Variants in RP1 observed in about 807,000 individuals in gnomAD.
The protein encoded by RP1 is RP1 axonemal microtubule associated, also known as oxygen-regulated protein 1.
A neutral mutation model predicts 14.8 loss-of-function variants in RP1; 16 were observed. That is an observed-to-expected ratio of 1.08 (90% confidence interval 0.73 to 1.65). RP1 has a LOEUF of 1.65. RP1 is among the 40% of genes most tolerant of loss of function. The pLI is 0.00. For synonymous variants in RP1, 876 were observed against 883.6 expected, an observed-to-expected ratio of 0.99 and a Z score of 0.15; for missense variants, 2,631 against 2,535.0, an observed-to-expected ratio of 1.04 and a Z score of -0.81.
upstream of RP1, among the ~76,000 whole-genome samples, chr8:54,614,321 T>G (rs1805663127): frequency 6.6e-6 from 1 of 152,174 alleles, no homozygotes; most frequent in Non-Finnish European, 1.5e-5. Flanking sequence ...CCATGGCAAT[T>G]GAAGTCATTC....
chr8:54,725,296 T>A (rs1424874008), intron 16 of RP1, among the ~76,000 whole-genome samples: 1 of 152,168 alleles, frequency 6.6e-6, no homozygotes, highest in African/African-American at 2.4e-5. Context: ...TTCTTTTTAA[T>A]GTTTTAAAGT....
intron 24 of RP1, among the ~76,000 whole-genome samples, chr8:54,797,951 A>G (rs932606524): frequency 6.8e-6 from 1 of 147,018 alleles, no homozygotes; most frequent in Middle Eastern, 3.7e-3. Context: ...TTTTAGACAC[A>G]TGTCACATTA....
chr8:54,570,160 T>G (rs1489359878), intron 1 of RP1, among the ~76,000 whole-genome samples: 1 of 152,050 alleles, frequency 6.6e-6, no homozygotes, highest in African/African-American at 2.4e-5. Flanking sequence ...CAGCCTCCCC[T>G]AAGATGTGGA....
intron 8 of RP1, among the ~76,000 whole-genome samples, chr8:54,677,126 A>G (rs1676717627): frequency 6.6e-6 from 1 of 151,390 alleles, no homozygotes; most frequent in Non-Finnish European, 1.5e-5. Flanking sequence ...GCCTGTGGCT[A>G]TTCTGGTTTA....
chr8:54,691,661 C>T (rs1433754377), intron 12 of RP1, among the ~76,000 whole-genome samples: 2 of 151,918 alleles, frequency 1.3e-5, no homozygotes, highest in African/African-American at 4.8e-5. Context: ...ACCCTAGGAA[C>T]ACCTTTGAGT....
chr8:54,657,902 T>C (rs1395550330), intron 6 of RP1, among the ~76,000 whole-genome samples: 2 of 152,256 alleles, frequency 1.3e-5, no homozygotes, highest in Admixed American at 1.3e-4. Context: ...AAACAAATTT[T>C]ATTTTTAATT....
chr8:54,621,305 G>T lies in RP1; in HGVS notation c.339G>T (p.Gln113His). 1 of 1,613,752 alleles carries T rather than the reference G, an allele frequency of 6.2e-7. No homozygotes were observed. Among genetic ancestry groups the T allele is most frequent in the Middle Eastern group, 1.6e-4 (1 of 6,062 alleles). ...TATGTTCCCACGGCAGGAAGGTGCAGCCTGTAGACCTGGACAAAGCCCGTC... is the reference window on the plus strand; with the variant it reads ...TATGTTCCCACGGCAGGAAGGTGCATCCTGTAGACCTGGACAAAGCCCGTC... Reference protein sequence around the residue: ...SYLCSHGRKVQPVDLDKARRR... With the variant: ...SYLCSHGRKVHPVDLDKARRR... Residue 113 changes from glutamine (Q) to histidine (H), a missense_variant, in exon 2 of 4, where the codon CAG becomes CAT. Coordinates refer to ENST00000220676, the MANE Select transcript of RP1 (RefSeq NM_006269.2).
chr8:54,861,077 A>G (rs1812331524), intron 27 of RP1, among the ~76,000 whole-genome samples: 1 of 152,194 alleles, frequency 6.6e-6, no homozygotes, highest in African/African-American at 2.4e-5. Context: ...TACCCTTCCT[A>G]CATTCTGAAT....
At chr8:54,697,169 A>G (rs1807888341) in intron 12 of RP1, 2 of 809,852 alleles carry the variant, frequency 2.5e-6, no homozygotes, top group Non-Finnish European at 4.1e-6. Context: ...AATGAAGTGG[A>G]AGCATGTGTT....
intron 24 of RP1, among the ~76,000 whole-genome samples, chr8:54,784,690 A>T (rs189350455): frequency 6.6e-5 from 10 of 152,222 alleles, no homozygotes; most frequent in Admixed American, 4.6e-4. Context: ...AACACTGGTA[A>T]ATTTTAATGG....
At chr8:54,647,153 G>A (rs1410700291) in intron 3 of RP1, among the ~76,000 whole-genome samples, 1 of 152,132 alleles carries the variant, frequency 6.6e-6, no homozygotes, top group African/African-American at 2.4e-5. Flanking sequence ...GCTCATGCCT[G>A]TAATCGTAGC....
intron 27 of RP1, among the ~76,000 whole-genome samples, chr8:54,864,548 A>G (rs374077031): frequency 2.6e-5 from 4 of 152,198 alleles, no homozygotes; most frequent in South Asian, 2.1e-4. Context: ...TTTACAGATC[A>G]TCAAGCAGTC....
At chr8:54,693,153 C>T (rs1004009935) in intron 12 of RP1, among the ~76,000 whole-genome samples, 8 of 152,188 alleles carry the variant, frequency 5.3e-5, no homozygotes, top group African/African-American at 1.7e-4. Context: ...TTTCTGAGGG[C>T]TCTGTTCTGT....
intron 12 of RP1, among the ~76,000 whole-genome samples, chr8:54,694,798 GT>G (rs1236555087): frequency 1.3e-5 from 2 of 151,950 alleles, no homozygotes. Flanking sequence ...TTTTTATAGG[GT>G]TTTTTGTGTT....
chr8:54,605,908 C>T (rs1805428692), intron 1 of RP1, among the ~76,000 whole-genome samples: 1 of 148,126 alleles, frequency 6.8e-6, no homozygotes, highest in Non-Finnish European at 1.5e-5. Flanking sequence ...CTTCCTCCAT[C>T]CCTTTATTTT....
At position 54,621,484 on chromosome 8, in the gene RP1, G is replaced by T. The variant is rs777942139; in HGVS notation, c.518G>T (p.Ser173Ile). 3.7e-6 allele frequency: 6 copies of T among 1,614,120 alleles called. No homozygotes were observed. In the East Asian group the frequency reaches 1.3e-4, roughly 36 times the overall value. The change falls in exon 2 of 4, where the codon AGC (serine) becomes ATC (isoleucine). Residue 173 changes from serine to isoleucine, a missense_variant. Physicochemically the swap from Ser to Ile is moderately radical, Grantham distance 142. Coordinates refer to ENST00000220676, the MANE Select transcript of RP1 (RefSeq NM_006269.2). ...DPKTRRAVLL[S>I]RRVTQSFEAF... ...AAGACGAGGCGTGCGGTTCTTCTGA[G>T]CAGGAGGGTCACCCAGAGCTTCGAG...
In RP1 at chr8:54,866,216, T is replaced by A. The variant is rs866524392; in HGVS notation, c.4151+300T>A. 3.9e-5 allele frequency among the ~76,000 whole-genome samples: 6 copies of A among 152,190 alleles called. No individual in the cohort carries two copies. In the South Asian group the frequency reaches 6.2e-4, roughly 16 times the overall value. Reference sequence around the variant, plus strand: ...TTTCTAAAACACATGCTAAGCTCCCTGCTAGTACTGTGAACTTGGGTACCA... The same window carrying A: ...TTTCTAAAACACATGCTAAGCTCCCAGCTAGTACTGTGAACTTGGGTACCA... On this transcript the variant is annotated intron_variant, in intron 28 of 28. Coordinates refer to the RP1 transcript ENST00000637698.
chr8:54,579,439 T>C (rs759262840), intron 1 of RP1, among the ~76,000 whole-genome samples: 4 of 150,804 alleles, frequency 2.7e-5, no homozygotes, highest in Non-Finnish European at 4.4e-5. Context: ...AACTCCTCTC[T>C]TGTCACGTTG....
At chr8:54,688,439 G>C (rs1807621822) in intron 12 of RP1, among the ~76,000 whole-genome samples, 2 of 152,104 alleles carry the variant, frequency 1.3e-5, no homozygotes, top group African/African-American at 4.8e-5. Context: ...GGTTTTTATG[G>C]TTTTAGGTCT....
Sources: gnomAD v4.1 joint callset for allele counts (sites outside exome capture counted in the v4.1 genomes callset) on GRCh38, gnomAD v4.1.1 for gene constraint, MANE v1.5 for transcripts, NCBI Gene and HGNC (gene_info 2026-07-23, HGNC 2026-07-21) for gene names.